AKAP9: variants seen among roughly 807,000 people sequenced by gnomAD.
The protein encoded by AKAP9 is A-kinase anchoring protein 9, also known as A-kinase anchor protein 9.
AKAP9 carries 311 observed loss-of-function variants against 488.5 expected under a neutral mutation model. The observed-to-expected ratio is 0.64, with a 90% confidence interval of 0.58 to 0.70. The LOEUF is 0.70. AKAP9 is among the 30% of genes least tolerant of loss of function. The pLI is 0.00. For synonymous variants in AKAP9, 1,462 were observed against 1,483.5 expected (o/e 0.99, Z 0.33); for missense variants, 4,215 against 4,374.5 (o/e 0.96, Z 1.03).
chr7:92,044,342 A>G (rs1011767127), intron 20 of AKAP9, among the ~76,000 whole-genome samples: 2 of 152,126 alleles, frequency 1.3e-5, no homozygotes, highest in African/African-American at 4.8e-5. Flanking sequence ...GTAACTTGAG[A>G]AATTTCTGTC....
At chr7:92,059,197 T>C (rs917127647) in intron 22 of AKAP9, among the ~76,000 whole-genome samples, 1 of 151,962 alleles carries the variant, frequency 6.6e-6, no homozygotes, top group Admixed American at 6.6e-5. Context: ...TTACATGTAC[T>C]TTTAATGTAA....
intron 18 of AKAP9, 88 bp downstream of exon 18, chr7:92,040,986 AT>A: frequency 3.6e-6 from 4 of 1,106,072 alleles, no homozygotes; most frequent in Non-Finnish European, 5.2e-6. Context: ...AAACAACAGT[AT>A]TTTTTATGTA....
At chr7:92,070,344 T>C in intron 27 of AKAP9, 138 bp downstream of exon 27, 1 of 1,003,058 alleles carries the variant, frequency 1.0e-6, no homozygotes, top group East Asian at 2.5e-5. Context: ...TGTTCTTATT[T>C]CCAAATGTTG....
rs368653842 is a variant in AKAP9 at position 92,099,893 on chromosome 7, A to G, written c.10896+24A>G. 16 of 1,607,502 alleles carry G rather than the reference A, an allele frequency of 1.0e-5. No individual in the cohort carries two copies. In the African/African-American group the frequency reaches 1.2e-4, roughly 12 times the overall value. ...ATGTATGTCCATTTTTAGCATCTCC[A>G]TATATGAGAATTAGTGCATGCTTAT... On this transcript the variant is annotated intron_variant, in intron 44 of 49. Coordinates refer to ENST00000356239, the MANE Select transcript of AKAP9 (RefSeq NM_005751.5).
chr7:92,079,290 A>G lies in AKAP9; in HGVS notation c.7157A>G (p.His2386Arg). The G allele has an allele frequency of 6.2e-7, 1 of 1,614,130 alleles. No individual in the cohort carries two copies. ...TCAGAAGAAGCAGACAGTTTAAAAC[A>G]TCAATTGGATGTGGTTATAGCTGAA... Reference protein sequence around the residue: ...SLSEEADSLKHQLDVVIAEKL... With the variant: ...SLSEEADSLKRQLDVVIAEKL... Residue 2386 changes from histidine to arginine, a missense_variant, in exon 31 of 50, where the codon CAT becomes CGT. Physicochemically the swap from His to Arg is conservative, Grantham distance 29. Coordinates refer to ENST00000356239, the MANE Select transcript of AKAP9 (RefSeq NM_005751.5).
intron 1 of AKAP9, among the ~76,000 whole-genome samples, chr7:91,942,106 C>A (rs915951546): frequency 6.6e-6 from 1 of 152,116 alleles, no homozygotes; most frequent in Non-Finnish European, 1.5e-5. Context: ...ATGAAGTCTT[C>A]TTTTATGGAT....
In AKAP9 at chr7:91,974,960, C is replaced by T. The variant is rs574515122; in HGVS notation, c.306+992C>T. On this transcript the variant is annotated intron_variant, in intron 2 of 49. Transcript: ENST00000356239. ...CTGTCACCCAGGCCCAAGCCATCCT[C>T]CCACCTCAGCCTCCTGAGTAGCTGG... Among the ~76,000 whole-genome samples the T allele has an allele frequency of 4.0e-5, 6 of 151,716 alleles. No individual in the cohort carries two copies. The South Asian group carries it at 1.0e-3, about 26-fold the overall frequency.
intron 1 of AKAP9, among the ~76,000 whole-genome samples, chr7:91,951,994 C>T (rs1355355252): frequency 6.6e-6 from 1 of 152,212 alleles, no homozygotes; most frequent in African/African-American, 2.4e-5. Context: ...GTCTAGTTCC[C>T]TTGCCTCTAT....
At chr7:92,021,645 G>T (rs1282474670) in intron 12 of AKAP9, among the ~76,000 whole-genome samples, 1 of 151,976 alleles carries the variant, frequency 6.6e-6, no homozygotes, top group Non-Finnish European at 1.5e-5. Context: ...CACTATGTTG[G>T]CCAGGCTGAT....
At chr7:92,011,502 A>G (rs558684410) in intron 8 of AKAP9, among the ~76,000 whole-genome samples, 32 of 152,334 alleles carry the variant, frequency 2.1e-4, no homozygotes, top group Non-Finnish European at 4.3e-4. Context: ...GAAATTTTTC[A>G]TGGATCTTGA....
chr7:91,999,257 G>T (rs917933838), intron 7 of AKAP9, among the ~76,000 whole-genome samples: 1 of 152,020 alleles, frequency 6.6e-6, no homozygotes, highest in East Asian at 1.9e-4. Context: ...ACAGAGTCTC[G>T]CTCTGTCTCC....
chr7:92,110,452 C>G lies in AKAP9; in HGVS notation c.*293C>G. On this transcript the variant is annotated 3_prime_UTR_variant, in exon 50 of 50. Coordinates refer to ENST00000356239, the MANE Select transcript of AKAP9 (RefSeq NM_005751.5). ...TTATCAAATGGGTGAAAAGATTAAA[C>G]TTTTACGCATTACAATACTGCTGAA... 1 of 443,956 alleles carries G rather than the reference C, an allele frequency of 2.3e-6. No homozygotes were observed. The highest frequency in any genetic ancestry group is 4.1e-6 in the Non-Finnish European group (1 of 243,472). 27.5% of individuals were successfully genotyped at this position (443,956 alleles called of 1,614,324 possible).
rs140277566 is a variant in AKAP9, at chr7:91,947,985, C to T, written c.48+6838C>T. Among the ~76,000 whole-genome samples, 707 of 152,330 alleles carry T rather than the reference C, an allele frequency of 4.6e-3. 18 individuals carry two copies. The highest frequency in any genetic ancestry group is 0.043 in the Admixed American group (655 of 15,294). ...CTTCTTCCCTCTAGCCACTAACAAT[C>T]ACCAACGCACTCTCTGGATTTACCA... On this transcript the variant is annotated intron_variant, in intron 1 of 49. Coordinates refer to ENST00000356239, the MANE Select transcript of AKAP9 (RefSeq NM_005751.5).
rs891670061 is a variant in AKAP9 at position 91,965,861 on chromosome 7, C to T, written c.49-7850C>T. Reference sequence around the variant, plus strand: ...AGAAATGTCTGTTCAGATATTTTGCCCATGTTTTAATCAGATTATTTGCTC... The same window carrying T: ...AGAAATGTCTGTTCAGATATTTTGCTCATGTTTTAATCAGATTATTTGCTC... On this transcript the variant is annotated intron_variant, in intron 1 of 49. Coordinates refer to ENST00000356239, the MANE Select transcript of AKAP9 (RefSeq NM_005751.5). Among the ~76,000 whole-genome samples, 4 of 152,142 alleles carry T rather than the reference C, an allele frequency of 2.6e-5. No individual in the cohort carries two copies. In the South Asian group the frequency reaches 8.3e-4, roughly 32 times the overall value.
intron 1 of AKAP9, among the ~76,000 whole-genome samples, chr7:91,957,909 GC>G (rs34955845): frequency 6.6e-6 from 1 of 151,900 alleles, no homozygotes; most frequent in Non-Finnish European, 1.5e-5. Flanking sequence ...AAAAAATACT[GC>G]CCCTGTGCTA....
chr7:92,069,294 G>T (rs1811294212), intron 26 of AKAP9, among the ~76,000 whole-genome samples: 1 of 152,180 alleles, frequency 6.6e-6, no homozygotes, highest in African/African-American at 2.4e-5. Context: ...GTGTGGTTGT[G>T]CCATTAGATA....
At chr7:92,107,132 G>T (rs1818629419) in intron 47 of AKAP9, among the ~76,000 whole-genome samples, 161 bp from the exon 48 acceptor site, 1 of 152,160 alleles carries the variant, frequency 6.6e-6, no homozygotes, top group African/African-American at 2.4e-5. Flanking sequence ...ATTTTTGTTT[G>T]TACTGTTTTC....
chr7:91,946,646 T>G (rs1037471525), intron 1 of AKAP9, among the ~76,000 whole-genome samples: 1 of 152,126 alleles, frequency 6.6e-6, no homozygotes, highest in Admixed American at 6.6e-5. Context: ...AGTGCCGAGA[T>G]TATAGGGGTG....
chr7:91,975,440 T>C (rs986966917), intron 2 of AKAP9, among the ~76,000 whole-genome samples: 2 of 152,250 alleles, frequency 1.3e-5, no homozygotes, highest in Non-Finnish European at 2.9e-5. Flanking sequence ...TAAATTTGTA[T>C]ATTGATCTTG....
Sources: allele counts gnomAD v4.1 joint callset (sites outside exome capture counted in the v4.1 genomes callset), GRCh38; gene constraint gnomAD v4.1.1; transcripts MANE v1.5; gene names NCBI Gene and HGNC (gene_info 2026-07-23, HGNC 2026-07-21).